RFX3: variants seen among roughly 807,000 people sequenced by gnomAD.
RFX3 encodes the protein transcription factor RFX3.
In RFX3, 14 loss-of-function variants were observed where a neutral mutation model predicts 98.6. The observed-to-expected ratio is 0.14, with a 90% CI of 0.09 to 0.22. The LOEUF (loss-of-function observed/expected upper bound fraction) is 0.22. RFX3 is among the 10% of genes least tolerant of loss of function. RFX3 has a pLI of 1.00. For missense variants in RFX3, 639 were observed against 926.9 expected (o/e 0.69, Z 4.03); for synonymous variants, 383 against 328.4 (o/e 1.17, Z -1.80).
intron 1 of RFX3, among the ~76,000 whole-genome samples, chr9:3,416,054 G>A (rs1842949080): frequency 6.6e-6 from 1 of 152,202 alleles, no homozygotes; most frequent in African/African-American, 2.4e-5. Context: ...ACTGATTAAA[G>A]TCTGCAGAGA....
At chr9:3,507,335 C>A (rs1817200820) in intron 1 of RFX3, among the ~76,000 whole-genome samples, 1 of 151,814 alleles carries the variant, frequency 6.6e-6, no homozygotes, top group African/African-American at 2.4e-5. Flanking sequence ...AATGACAAGG[C>A]AGAATTCAGA....
chr9:3,525,011 A>T (rs1446749525), intron 1 of RFX3, among the ~76,000 whole-genome samples: 1 of 149,032 alleles, frequency 6.7e-6, no homozygotes, highest in East Asian at 2.0e-4. Flanking sequence ...AAAGAGGGGG[A>T]GGGAAGAGTG....
At chr9:3,481,515 C>G (rs1025085068) in intron 1 of RFX3, among the ~76,000 whole-genome samples, 9 of 151,506 alleles carry the variant, frequency 5.9e-5, no homozygotes, top group African/African-American at 2.2e-4. Context: ...TTTAACCTAT[C>G]TAATGAATTA....
At chr9:3,303,036 C>T (rs1563891183) in intron 4 of RFX3, among the ~76,000 whole-genome samples, 1 of 151,756 alleles carries the variant, frequency 6.6e-6, no homozygotes, top group Non-Finnish European at 1.5e-5. Context: ...ATTTATCCTA[C>T]TGTTAACTTT....
Position 3,330,420 on chromosome 9 carries a change from T to C in RFX3, c.313A>G (p.Thr105Ala), listed in dbSNP as rs1361670631. ...ACCATACTGTGGGATGAGACCACGG[T>C]AGTCACCTGGGCGGAACTCCCTTGA... is the stretch of plus-strand genomic sequence containing the variant. ...DTQGSSAQVT[T>A]VVSSHSMVGT... is the part of the protein sequence containing the mutation. Residue 105 changes from threonine to alanine, a missense_variant, in exon 4 of 17, where the codon ACC becomes GCC. Around this residue, in one of 9 missense-constraint regions of RFX3, gnomAD observed 210 missense variants for 197.7 expected, o/e 1.06. Coordinates refer to ENST00000617270, the MANE Select transcript of RFX3 (RefSeq NM_001282116.2). 4.3e-6 allele frequency: 7 copies of C among 1,614,072 alleles called. No homozygotes were observed. In the South Asian group the frequency reaches 6.6e-5, roughly 15 times the overall value.
chr9:3,224,942 A>G lies in RFX3; in HGVS notation c.*100T>C, dbSNP rs1817601224. ...CAAAAAGTTAATGTTCAGCACAGAT[A>G]GAATTTGACAACAGTCGACCTTCAG... On this transcript the variant is annotated 3_prime_UTR_variant, in exon 17 of 17. Transcript: ENST00000617270. The G allele has an allele frequency of 8.5e-7, 1 of 1,173,086 alleles. No homozygotes were observed. 72.7% of individuals were successfully genotyped at this position (1,173,086 alleles called of 1,614,324 possible).
chr9:3,462,495 T>C (rs1847787685), intron 1 of RFX3, among the ~76,000 whole-genome samples: 3 of 151,982 alleles, frequency 2.0e-5, no homozygotes, highest in African/African-American at 7.2e-5. Flanking sequence ...GGCAAGGATA[T>C]CCTCCCTCCC....
intron 1 of RFX3, among the ~76,000 whole-genome samples, chr9:3,398,263 A>C (rs774926759): frequency 3.9e-5 from 6 of 152,146 alleles, no homozygotes; most frequent in Non-Finnish European, 7.4e-5. Context: ...AATAGTTCTC[A>C]AAATTTGGGG....
At chr9:3,393,920 C>G (rs1430401686) in intron 2 of RFX3, among the ~76,000 whole-genome samples, 1 of 151,998 alleles carries the variant, frequency 6.6e-6, no homozygotes, top group Non-Finnish European at 1.5e-5. Flanking sequence ...AAGCCCAAAC[C>G]CCACCATTAT....
intron 13 of RFX3, among the ~76,000 whole-genome samples, chr9:3,259,161 G>GT (rs1037224360): frequency 8.6e-5 from 13 of 151,688 alleles, no homozygotes; most frequent in South Asian, 4.2e-4. Flanking sequence ...AGCAGGAGAG[G>GT]TTTTTTTTGT....
intron 7 of RFX3, among the ~76,000 whole-genome samples, chr9:3,285,063 C>A (rs1009792938): frequency 6.6e-6 from 1 of 151,596 alleles, no homozygotes; most frequent in Non-Finnish European, 1.5e-5. Context: ...ACTATAATTC[C>A]AAATTCATGA....
chr9:3,474,483 A>G (rs757503302), intron 1 of RFX3, among the ~76,000 whole-genome samples: 15 of 152,204 alleles, frequency 9.9e-5, no homozygotes, highest in East Asian at 1.9e-4. Context: ...TGATTGTCTC[A>G]TTGGTTATAA....
chr9:3,485,216 A>T (rs1850157111), intron 1 of RFX3, among the ~76,000 whole-genome samples: 1 of 152,148 alleles, frequency 6.6e-6, no homozygotes, highest in Non-Finnish European at 1.5e-5. Context: ...CTGCCCCTAT[A>T]CCACCTCCCT....
intron 1 of RFX3, among the ~76,000 whole-genome samples, chr9:3,499,244 C>CTAA (rs1815713810): frequency 6.6e-6 from 1 of 151,968 alleles, no homozygotes; most frequent in South Asian, 2.1e-4. Flanking sequence ...AAAAGCAGCA[C>CTAA]TAAGTACCTT....
At chr9:3,326,906 G>A (rs186902120) in intron 4 of RFX3, among the ~76,000 whole-genome samples, 12 of 152,194 alleles carry the variant, frequency 7.9e-5, no homozygotes, top group Admixed American at 2.0e-4. Flanking sequence ...GCCCCCTAAG[G>A]AGTGACCCAA....
At chr9:3,415,645 C>T (rs1842919572) in intron 1 of RFX3, among the ~76,000 whole-genome samples, 1 of 152,158 alleles carries the variant, frequency 6.6e-6, no homozygotes, top group Non-Finnish European at 1.5e-5. Context: ...TTTGCCTTCT[C>T]TGTTCTTCTC....
intron 1 of RFX3, among the ~76,000 whole-genome samples, chr9:3,417,891 G>A (rs1347914301): frequency 1.3e-5 from 2 of 152,150 alleles, no homozygotes; most frequent in Non-Finnish European, 2.9e-5. Flanking sequence ...AATAGCAAGT[G>A]TTTTTAAATG....
chr9:3,501,606 G>C (rs1375325736), intron 1 of RFX3, among the ~76,000 whole-genome samples: 78 of 146,970 alleles, frequency 5.3e-4, no homozygotes, highest in Non-Finnish European at 7.4e-5. Context: ...ACCCAGGCTG[G>C]AGTGCAGTGG....
At chr9:3,430,683 A>G (rs557655877) in intron 1 of RFX3, among the ~76,000 whole-genome samples, 45 of 152,296 alleles carry the variant, frequency 3.0e-4, no homozygotes, top group African/African-American at 1.0e-3. Flanking sequence ...TCAGACTTCA[A>G]TGTAATGTTG....
Sources: allele counts gnomAD v4.1 joint callset (sites outside exome capture counted in the v4.1 genomes callset), GRCh38; gene constraint gnomAD v4.1.1; regional missense constraint gnomAD v4.1.1; transcripts MANE v1.5; gene names NCBI Gene and HGNC (gene_info 2026-07-23, HGNC 2026-07-21).